The following AKT2 variants were observed in gnomAD, a reference collection of about 807,000 sequenced individuals.
The protein encoded by AKT2 is RAC-beta serine/threonine-protein kinase.
In AKT2, 16 loss-of-function variants were observed where a neutral mutation model predicts 58.6. That is an observed-to-expected ratio of 0.27 (90% CI 0.18 to 0.41). The LOEUF is 0.41. Ranked by LOEUF, AKT2 falls within the 10% of genes least tolerant of loss-of-function variation. AKT2 has a pLI of 1.00. For missense variants in AKT2, 438 were observed against 661.0 expected (o/e 0.66, Z 3.70); for synonymous variants, 253 against 254.0 (o/e 1.00, Z 0.04).
chr19:40,239,845 C>T, intron 7 of AKT2, 200 bp downstream of exon 7: 1 of 711,036 alleles, frequency 1.4e-6, no homozygotes, highest in South Asian at 1.5e-5. Flanking sequence ...TATGAAGAAG[C>T]TGTCACCCTC....
chr19:40,258,597 T>C (rs1975721081), intron 2 of AKT2, among the ~76,000 whole-genome samples: 1 of 150,614 alleles, frequency 6.6e-6, no homozygotes, highest in African/African-American at 2.5e-5. Flanking sequence ...GCTCAAGAAA[T>C]TGAAGCTATG....
Position 40,234,704 on chromosome 19 carries a change from A to G in AKT2, c.1366+341T>C. On this transcript the variant is annotated intron_variant, in intron 13 of 13. Transcript: ENST00000392038. The surrounding 1 kb of genome is among the most constrained non-coding windows in gnomAD (Gnocchi z 4.7). ...CAGGGCAGGGCCCAGGGCTGGCTCA[A>G]TCAGTGCTGTGTCCCCAGCATAGCC... is the stretch of plus-strand genomic sequence containing the variant. 2 of 592,664 alleles carry G rather than the reference A, an allele frequency of 3.4e-6. No homozygotes were observed. Among genetic ancestry groups the G allele is most frequent in the Admixed American group, 3.0e-5 (1 of 33,092 alleles). The allele number at this position is 592,664 out of a possible 1,614,324, so 36.7% of individuals were successfully genotyped here.
At chr19:40,257,808 A>G (rs1038589127) in intron 2 of AKT2, among the ~76,000 whole-genome samples, 12 of 152,358 alleles carry the variant, frequency 7.9e-5, no homozygotes, top group African/African-American at 2.9e-4. Flanking sequence ...AAAACTATTC[A>G]GTCATAAAAA....
chr19:40,251,229 A>C lies in AKT2; in HGVS notation c.287+3929T>G, dbSNP rs142976645. Among the ~76,000 whole-genome samples the C allele has an allele frequency of 4.2e-3, 645 of 152,330 alleles. 7 individuals carry two copies. Among genetic ancestry groups the C allele is most frequent in the African/African-American group, 0.014 (592 of 41,570 alleles). ...TAAAAAAAAAGTTTTAAATTTAAAA[A>C]ATTTTAATTAAAATTTTAAAAGGGC... On this transcript the variant is annotated intron_variant, in intron 4 of 13. Coordinates refer to ENST00000392038, the MANE Select transcript of AKT2 (RefSeq NM_001626.6).
chr19:40,264,416 G>A (rs966365608), intron 2 of AKT2, among the ~76,000 whole-genome samples: 5 of 152,124 alleles, frequency 3.3e-5, no homozygotes, highest in Admixed American at 1.3e-4. Context: ...GCCACGCATC[G>A]GCTCACGACA....
intron 1 of AKT2, among the ~76,000 whole-genome samples, chr19:40,271,270 TA>T (rs1234309213): frequency 6.9e-6 from 1 of 145,666 alleles, no homozygotes; most frequent in Non-Finnish European, 1.5e-5. Context: ...TACATATATA[TA>T]TATATAGTAG....
chr19:40,256,815 A>C, intron 3 of AKT2, 111 bp downstream of exon 3: 1 of 1,529,962 alleles, frequency 6.5e-7, no homozygotes, highest in South Asian at 1.1e-5. Flanking sequence ...ATCCAAGGGC[A>C]AGCAGGCCCA....
At chr19:40,278,932 G>C (rs556735119) in intron 1 of AKT2, among the ~76,000 whole-genome samples, 1 of 151,496 alleles carries the variant, frequency 6.6e-6, no homozygotes, top group African/African-American at 2.4e-5. Flanking sequence ...AGCTACCCCC[G>C]GGACCAGGTC....
At chr19:40,271,303 T>C (rs2077211445) in intron 1 of AKT2, among the ~76,000 whole-genome samples, 1 of 148,228 alleles carries the variant, frequency 6.7e-6, no homozygotes, top group South Asian at 2.1e-4. Context: ...GGTGTGCACC[T>C]GTAGTTTCAG....
chr19:40,273,034 T>G (rs2077243225), intron 1 of AKT2, among the ~76,000 whole-genome samples: 1 of 152,058 alleles, frequency 6.6e-6, no homozygotes, highest in Admixed American at 6.6e-5. Flanking sequence ...GAGCAACTGC[T>G]CAACACGTAT....
chr19:40,285,161 ACACGCGCTGGCG>A lies in AKT2; in HGVS notation c.-85+8_-85+19del. 1 of 391,874 alleles carries A rather than the reference ACACGCGCTGGCG, an allele frequency of 2.6e-6. No individual in the cohort carries two copies. Among genetic ancestry groups the A allele is most frequent in the Non-Finnish European group, 4.5e-6 (1 of 221,848 alleles). 24.3% of individuals were successfully genotyped at this position (391,874 alleles called of 1,614,324 possible). On this transcript the variant is annotated splice_region_variant and intron_variant, in intron 1 of 13. Transcript: ENST00000392038. Reference sequence around the variant, plus strand: ...ACCATCGTGGGGGGGGCGTTCGGGGACACGCGCTGGCGCACTCACCTGTCACCGGCAGCCGCC... The same window carrying A: ...ACCATCGTGGGGGGGGCGTTCGGGGACACTCACCTGTCACCGGCAGCCGCC...
In AKT2 at chr19:40,234,945, G is replaced by T; in HGVS notation, c.1366+100C>A. ...TGGGGAAATCTCCCAGACATGAAGC[G>T]GGGGCCTTCGAGGGCCCTCCTTGAG... On this transcript the variant is annotated intron_variant, in intron 13 of 13. Coordinates refer to ENST00000392038, the MANE Select transcript of AKT2 (RefSeq NM_001626.6). The surrounding 1 kb of genome is among the most constrained non-coding windows in gnomAD (Gnocchi z 4.7). 9.3e-7 allele frequency: 1 copy of T among 1,078,430 alleles called. No homozygotes were observed. The highest frequency in any genetic ancestry group is 1.4e-6 in the Non-Finnish European group (1 of 706,988). 66.8% of individuals were successfully genotyped at this position (1,078,430 alleles called of 1,614,324 possible). A position where few individuals can be genotyped will look rare whatever the true frequency, so the allele number is the denominator to read the frequency against.
At chr19:40,246,644 G>A (rs1658543433) in intron 4 of AKT2, among the ~76,000 whole-genome samples, 1 of 152,204 alleles carries the variant, frequency 6.6e-6, no homozygotes, top group Non-Finnish European at 1.5e-5. Context: ...TGTACAGCGT[G>A]GTATCATCTT....
At position 40,230,712 on chromosome 19, in the gene AKT2, T is replaced by C. The variant is rs532571403; in HGVS notation, c.*3160A>G. On this transcript the variant is annotated 3_prime_UTR_variant, in exon 14 of 14. Coordinates refer to ENST00000392038, the MANE Select transcript of AKT2 (RefSeq NM_001626.6). Reference sequence around the variant, plus strand: ...TTGCTGTCTTTTTTAATAGCATGTATCATGTTTTTTTTTTTTTTATTTTTA... The same window carrying C: ...TTGCTGTCTTTTTTAATAGCATGTACCATGTTTTTTTTTTTTTTATTTTTA... 2.0e-4 allele frequency: 42 copies of C among 210,300 alleles called. No individual in the cohort carries two copies. In the East Asian group the frequency reaches 2.9e-3, roughly 15 times the overall value. The allele number at this position is 210,300 out of a possible 1,614,324, so 13.0% of individuals were successfully genotyped here.
chr19:40,234,389 C>T lies in AKT2; in HGVS notation c.1367-438G>A. ...GCTGGCTCCCGCCATGCAAGCAGTC[C>T]CCACCCCTCCCAGTGGCCCCCAGAC... On this transcript the variant is annotated intron_variant, in intron 13 of 13. Transcript: ENST00000392038. The surrounding 1 kb of genome is among the most constrained non-coding windows in gnomAD (Gnocchi z 4.7). 4.3e-6 allele frequency: 1 copy of T among 230,210 alleles called. No homozygotes were observed. Among genetic ancestry groups the T allele is most frequent in the Non-Finnish European group, 8.5e-6 (1 of 117,314 alleles). The allele number at this position is 230,210 out of a possible 1,614,324, so 14.3% of individuals were successfully genotyped here.
chr19:40,232,766 C>G lies in AKT2; in HGVS notation c.*1106G>C, dbSNP rs976522593. 4 of 233,644 alleles carry G rather than the reference C, an allele frequency of 1.7e-5. No homozygotes were observed. Among genetic ancestry groups the G allele is most frequent in the African/African-American group, 6.6e-5 (3 of 45,464 alleles). 14.5% of individuals were successfully genotyped at this position (233,644 alleles called of 1,614,324 possible). On this transcript the variant is annotated 3_prime_UTR_variant, in exon 14 of 14. Coordinates refer to ENST00000392038, the MANE Select transcript of AKT2 (RefSeq NM_001626.6). ...CACGTGTGCCTGCGTCCCGCCGACACACGCAGTCCGAGGCACGCACAGGAG... is the reference window on the plus strand; with the variant it reads ...CACGTGTGCCTGCGTCCCGCCGACAGACGCAGTCCGAGGCACGCACAGGAG...
chr19:40,254,314 G>A (rs749035113), intron 4 of AKT2, among the ~76,000 whole-genome samples: 4 of 151,886 alleles, frequency 2.6e-5, no homozygotes, highest in Non-Finnish European at 4.4e-5. Flanking sequence ...GATCACCTAA[G>A]GCCAAAAGTT....
intron 1 of AKT2, chr19:40,268,438 G>A (rs1044460341): frequency 1.3e-5 from 2 of 152,394 alleles, no homozygotes. Context: ...GGGTTCCAGA[G>A]TCCAAGAGCC....
Position 40,231,871 on chromosome 19 carries a change from TG to T in AKT2, c.*2000del, listed in dbSNP as rs750770575. On this transcript the variant is annotated 3_prime_UTR_variant, in exon 14 of 14. Coordinates refer to ENST00000392038, the MANE Select transcript of AKT2 (RefSeq NM_001626.6). Reference sequence around the variant, plus strand: ...ACACCACTGGGTCTGTACTGGAATTTGGGGGCCTCAAGGCTTCCAGGTGGCA... The same window carrying T: ...ACACCACTGGGTCTGTACTGGAATTTGGGGCCTCAAGGCTTCCAGGTGGCA... 1.0e-4 allele frequency: 24 copies of T among 233,362 alleles called. No homozygotes were observed. The highest frequency in any genetic ancestry group is 9.6e-4 in the East Asian group (16 of 16,598). 14.5% of individuals were successfully genotyped at this position (233,362 alleles called of 1,614,324 possible).
Sources: gnomAD v4.1 joint callset for allele counts (sites outside exome capture counted in the v4.1 genomes callset) on GRCh38, gnomAD v4.1.1 for gene constraint, Gnocchi (gnomAD v3.1) non-coding constraint, MANE v1.5 for transcripts, NCBI Gene and HGNC (gene_info 2026-07-23, HGNC 2026-07-21) for gene names.